The following USP50 variants were observed in gnomAD, a reference collection of about 807,000 sequenced individuals.
USP50 encodes the protein ubiquitin specific peptidase 50, also known as ubiquitin carboxyl-terminal hydrolase 50.
A neutral mutation model predicts 39.2 loss-of-function variants in USP50; 37 were observed. That is an observed-to-expected ratio of 0.94 (90% CI 0.73 to 1.24). The LOEUF is 1.24. Among genes scored for constraint, USP50 ranks in the 50% most tolerant of loss-of-function variants. The pLI is 0.00. For missense variants in USP50, 374 were observed against 398.2 expected, an observed-to-expected ratio of 0.94 and a Z score of 0.52; for synonymous variants, 139 against 144.5, an observed-to-expected ratio of 0.96 and a Z score of 0.27.
In USP50 at chr15:50,523,174, G is replaced by A. The variant is rs537582300; in HGVS notation, c.936+6623C>T. Among the ~76,000 whole-genome samples, 244 of 84,018 alleles carry A rather than the reference G, an allele frequency of 2.9e-3. 2 individuals carry two copies. Among genetic ancestry groups the A allele is most frequent in the African/African-American group, 9.8e-3 (235 of 23,960 alleles). 55.1% of individuals were successfully genotyped at this position (84,018 alleles called of 152,430 possible). A position where few individuals can be genotyped will look rare whatever the true frequency, so the allele number is the denominator to read the frequency against. ...CAAAATCAACATATAAAAATCAGTA[G>A]CTTTTTTTTTTTTTTTTTTGGTGAG... On this transcript the variant is annotated intron_variant, in intron 6 of 6. Coordinates refer to ENST00000532404, the MANE Select transcript of USP50 (RefSeq NM_203494.5).
At position 50,538,813 on chromosome 15, in the gene USP50, GGTCAGTGC is replaced by G. The variant is rs2053004343; in HGVS notation, c.691_698del (p.Ala231LeufsTer11). 6.2e-7 allele frequency: 1 copy of G among 1,613,042 alleles called. No individual in the cohort carries two copies. Among genetic ancestry groups the G allele is most frequent in the Non-Finnish European group, 8.5e-7 (1 of 1,179,466 alleles). On this transcript the variant is annotated frameshift_variant, in exon 5 of 7. Coordinates refer to ENST00000532404, the MANE Select transcript of USP50 (RefSeq NM_203494.5). LOFTEE classifies it high-confidence loss of function. Reference sequence around the variant, plus strand: ...AGGAGCAGTGAATTTCGTTGTTCCAGGTCAGTGCGTCTTGTTGAAAAAAACATTGGAGA... The same window carrying G: ...AGGAGCAGTGAATTTCGTTGTTCCAGGTCTTGTTGAAAAAAACATTGGAGA...
At chr15:50,524,155 T>A (rs1566907124) in intron 6 of USP50, among the ~76,000 whole-genome samples, 1 of 152,200 alleles carries the variant, frequency 6.6e-6, no homozygotes, top group Non-Finnish European at 1.5e-5. Flanking sequence ...ATATAAGACC[T>A]GAAACTATAA....
At chr15:50,529,622 A>G (rs1408549280) in intron 6 of USP50, among the ~76,000 whole-genome samples, 175 bp downstream of exon 6, 3 of 152,170 alleles carry the variant, frequency 2.0e-5, no homozygotes, top group Non-Finnish European at 2.9e-5. Flanking sequence ...AGTGAACAGT[A>G]TATTTTATTT....
In USP50 at chr15:50,531,236, G is replaced by A. The variant is rs187982249; in HGVS notation, c.804-1307C>T. On this transcript the variant is annotated intron_variant, in intron 5 of 6. Coordinates refer to ENST00000532404, the MANE Select transcript of USP50 (RefSeq NM_203494.5). ...TAGGTATCATCCCAAGAGAAATGAAGCCTTAGGCCCACATAACAAGCTATC... is the reference window on the plus strand; with the variant it reads ...TAGGTATCATCCCAAGAGAAATGAAACCTTAGGCCCACATAACAAGCTATC... Among the ~76,000 whole-genome samples the A allele has an allele frequency of 8.5e-4, 130 of 152,210 alleles. No individual in the cohort carries two copies. In the Middle Eastern group the frequency reaches 0.017, roughly 20 times the overall value.
In USP50 at chr15:50,503,721, T is replaced by C. The variant is rs185136808; in HGVS notation, c.937-2884A>G. ...AATCCTGTGAACTTAATATGAAAAG[T>C]ATTTCTAGGGCAGTTGCCAGAAGGA... On this transcript the variant is annotated intron_variant, in intron 6 of 6. Coordinates refer to ENST00000532404, the MANE Select transcript of USP50 (RefSeq NM_203494.5). 7 of 152,332 alleles carry C rather than the reference T, an allele frequency of 4.6e-5. No homozygotes were observed. The East Asian group carries it at 1.4e-3, about 29-fold the overall frequency. 9.4% of individuals were successfully genotyped at this position (152,332 alleles called of 1,614,324 possible).
chr15:50,494,223 A>G (rs765942716), intron 1 of USP50: 1 of 1,613,422 alleles, frequency 6.2e-7, no homozygotes, highest in Admixed American at 1.7e-5. Context: ...ACAGTCAGCA[A>G]GATTCACAAG....
At chr15:50,538,270 T>C (rs2052998376) in intron 5 of USP50, among the ~76,000 whole-genome samples, 1 of 75,490 alleles carries the variant, frequency 1.3e-5, no homozygotes, top group Non-Finnish European at 2.1e-5. Flanking sequence ...AGTGAGACTG[T>C]CTCAAAAAAA....
At chr15:50,525,889 A>G (rs2052894257) in intron 6 of USP50, among the ~76,000 whole-genome samples, 1 of 151,926 alleles carries the variant, frequency 6.6e-6, no homozygotes, top group Admixed American at 6.6e-5. Context: ...CTATAGAAGA[A>G]TAAGTTCAGT....
chr15:50,500,927 A>G (rs1474884285), intron 6 of USP50, 90 bp from the exon 7 acceptor site: 1 of 1,056,766 alleles, frequency 9.5e-7, no homozygotes, highest in Admixed American at 2.1e-5. Context: ...TGCTTTTTAA[A>G]TTGTCCCTTA....
intron 6 of USP50, chr15:50,508,280 G>A (rs1365459111): frequency 2.6e-5 from 4 of 151,878 alleles, no homozygotes; most frequent in African/African-American, 9.7e-5. Context: ...TCAAAACATG[G>A]GATGCACTGA....
rs1491338951 is a variant in USP50 at position 50,535,165 on chromosome 15, A to AC, written c.803+3543_803+3544insG. On this transcript the variant is annotated intron_variant, in intron 5 of 6. Coordinates refer to ENST00000532404, the MANE Select transcript of USP50 (RefSeq NM_203494.5). Reference sequence around the variant, plus strand: ...CACACACACACACACACACACACACAAAAATTGATAGAAGTGCAAGGAGAA... The same window carrying AC: ...CACACACACACACACACACACACACACAAAATTGATAGAAGTGCAAGGAGAA... Among the ~76,000 whole-genome samples the AC allele has an allele frequency of 6.9e-3, 1,044 of 150,510 alleles. 10 individuals carry two copies. Among genetic ancestry groups the AC allele is most frequent in the South Asian group, 0.017 (79 of 4,770 alleles).
At chr15:50,495,486 A>AGC (rs2052358845) in intron 1 of USP50, among the ~76,000 whole-genome samples, 1 of 106,788 alleles carries the variant, frequency 9.4e-6, no homozygotes, top group Non-Finnish European at 2.1e-5. Context: ...TAGAGATTGG[A>AGC]GGGGGGGGTC....
intron 6 of USP50, among the ~76,000 whole-genome samples, chr15:50,518,308 T>C (rs560517971): frequency 6.6e-6 from 1 of 151,380 alleles, no homozygotes; most frequent in African/African-American, 2.4e-5. Flanking sequence ...GCAAGTTCCG[T>C]CTCCTGGGTT....
intron 6 of USP50, among the ~76,000 whole-genome samples, chr15:50,524,663 G>A (rs976888064): frequency 2.6e-5 from 4 of 152,208 alleles, no homozygotes; most frequent in African/African-American, 9.6e-5. Context: ...TACTTTGTTG[G>A]TGGGAATGTA....
intron 2 of USP50, among the ~76,000 whole-genome samples, chr15:50,544,186 C>A (rs1440584139): frequency 2.6e-5 from 4 of 151,796 alleles, no homozygotes; most frequent in African/African-American, 9.7e-5. Flanking sequence ...ACTAAAAATA[C>A]AAAAAATTAC....
chr15:50,513,695 GTTAT>G (rs2052769826), intron 6 of USP50: 1 of 151,436 alleles, frequency 6.6e-6, no homozygotes, highest in South Asian at 2.1e-4. Context: ...AATTTAAGTA[GTTAT>G]TTAAACCACA....
chr15:50,511,196 A>C (rs901390305), intron 6 of USP50: 5 of 152,222 alleles, frequency 3.3e-5, no homozygotes, highest in African/African-American at 1.2e-4. Flanking sequence ...AGTCATTAGG[A>C]AAATGCAACT....
intron 5 of USP50, among the ~76,000 whole-genome samples, chr15:50,535,339 C>T (rs949410697): frequency 6.6e-6 from 1 of 152,112 alleles, no homozygotes; most frequent in Non-Finnish European, 1.5e-5. Context: ...ACTCTTTCAC[C>T]CAACAACAGC....
At chr15:50,518,446 C>T (rs1274014877) in intron 6 of USP50, among the ~76,000 whole-genome samples, 5 of 151,640 alleles carry the variant, frequency 3.3e-5, no homozygotes, top group Admixed American at 1.3e-4. Context: ...CTCCTGACCT[C>T]GTGATCCGCC....
Sources: allele counts gnomAD v4.1 joint callset (sites outside exome capture counted in the v4.1 genomes callset), GRCh38; gene constraint gnomAD v4.1.1; transcripts MANE v1.5; gene names NCBI Gene and HGNC (gene_info 2026-07-23, HGNC 2026-07-21).